The following GNG2 variants were observed in gnomAD, a reference collection of about 807,000 sequenced individuals.
The protein encoded by GNG2 is guanine nucleotide-binding protein G(I)/G(S)/G(O) subunit gamma-2.
GNG2 carries 5 observed loss-of-function variants against 5.5 expected under a neutral mutation model. That is an observed-to-expected ratio of 0.91 (90% CI 0.48 to 1.92). The LOEUF (loss-of-function observed/expected upper bound fraction) is 1.92, where lower values mean the gene tolerates loss of function less well. Ranked by LOEUF, GNG2 falls within the 30% of genes most tolerant of loss-of-function variation. GNG2 has a pLI of 0.01. For missense variants in GNG2, 55 were observed against 88.4 expected (o/e 0.62, Z 1.52); for synonymous variants, 28 against 32.0 (o/e 0.88, Z 0.42).
intron 2 of GNG2, among the ~76,000 whole-genome samples, chr14:51,907,828 A>C (rs2140194044): frequency 6.6e-6 from 1 of 152,264 alleles, no homozygotes; most frequent in East Asian, 1.9e-4. Context: ...CCCTACACTA[A>C]CTTTAGTTGC....
rs1032111701 is a variant in GNG2 at position 51,969,024 on chromosome 14, T to C, written c.*2337T>C. 2.0e-5 allele frequency: 3 copies of C among 152,224 alleles called. No individual in the cohort carries two copies. The highest frequency in any genetic ancestry group is 4.4e-5 in the Non-Finnish European group (3 of 68,024). The allele number at this position is 152,224 out of a possible 1,614,324, so 9.4% of individuals were successfully genotyped here. On this transcript the variant is annotated 3_prime_UTR_variant, in exon 4 of 4. Transcript: ENST00000556766. ...AATACGAAAATCTTTATATGAGTTT[T>C]GGCTTCTTGGTATTTGTACTTATTC...
At chr14:51,893,048 T>C (rs545365609) in intron 2 of GNG2, among the ~76,000 whole-genome samples, 63 of 152,230 alleles carry the variant, frequency 4.1e-4, no homozygotes, top group Non-Finnish European at 7.1e-4. Flanking sequence ...TGGAGTGATA[T>C]TAGTTTTGTC....
intron 2 of GNG2, chr14:51,940,500 T>A (rs1275784050): frequency 6.6e-6 from 1 of 152,296 alleles, no homozygotes; most frequent in Non-Finnish European, 1.5e-5. Flanking sequence ...TTGTTCTTCA[T>A]CTCAAACCTC....
intron 2 of GNG2, among the ~76,000 whole-genome samples, chr14:51,911,166 G>A (rs763950367): frequency 6.6e-6 from 1 of 152,212 alleles, no homozygotes; most frequent in Non-Finnish European, 1.5e-5. Flanking sequence ...GTCGGCTTTG[G>A]CATGTGCAGC....
In GNG2 at chr14:51,946,378, C is replaced by T. The variant is rs372542206; in HGVS notation, c.-29-4272C>T. Among the ~76,000 whole-genome samples the T allele has an allele frequency of 7.9e-5, 12 of 152,154 alleles. No homozygotes were observed. In the South Asian group the frequency reaches 2.1e-3, roughly 26 times the overall value. On this transcript the variant is annotated intron_variant, in intron 2 of 3. Coordinates refer to ENST00000556766, the MANE Select transcript of GNG2 (RefSeq NM_053064.5). ...GAAGAAAGTGGAAGAAAGAGAATAT[C>T]TTAAGAACATAGGAGGTAATTCAGC...
intron 2 of GNG2, among the ~76,000 whole-genome samples, chr14:51,829,217 G>C (rs1369390527): frequency 6.6e-6 from 1 of 152,040 alleles, no homozygotes; most frequent in South Asian, 2.1e-4. Context: ...CCACTCCCAG[G>C]TGTATAGCCT....
At chr14:51,913,798 C>T (rs1383680043) in intron 2 of GNG2, among the ~76,000 whole-genome samples, 1 of 152,164 alleles carries the variant, frequency 6.6e-6, no homozygotes, top group Non-Finnish European at 1.5e-5. Flanking sequence ...GTTACATTTA[C>T]AAGTTCTATT....
chr14:51,836,436 C>A (rs1287139742), intron 2 of GNG2, among the ~76,000 whole-genome samples: 2 of 151,948 alleles, frequency 1.3e-5, no homozygotes, highest in Non-Finnish European at 2.9e-5. Context: ...ATTCTATATG[C>A]AACATAAGAA....
chr14:51,904,268 C>G (rs1002792965), intron 2 of GNG2, among the ~76,000 whole-genome samples: 8 of 152,188 alleles, frequency 5.3e-5, no homozygotes, highest in Non-Finnish European at 1.2e-4. Context: ...ATCACTGATT[C>G]TCCACATTAC....
intron 2 of GNG2, chr14:51,827,903 GGA>G (rs1362021806): frequency 3.3e-6 from 2 of 605,662 alleles, no homozygotes; most frequent in East Asian, 2.8e-5. Flanking sequence ...TAAAGAGCTT[GGA>G]GAGAGAGTCT....
At chr14:51,916,365 A>C (rs1265963356) in intron 2 of GNG2, 1 of 420,390 alleles carries the variant, frequency 2.4e-6, no homozygotes, top group Non-Finnish European at 4.7e-6. Context: ...AGAATAGTGC[A>C]CCGTTGGCAG....
At position 51,827,855 on chromosome 14, in the gene GNG2, G is replaced by A. The variant is rs568200616; in HGVS notation, c.64+48G>A. 2.6e-4 allele frequency: 166 copies of A among 637,200 alleles called. 1 individual carries two copies. The African/African-American group carries it at 2.6e-3, about 10-fold the overall frequency. The allele number at this position is 637,200 out of a possible 1,614,324, so 39.5% of individuals were successfully genotyped here. On this transcript the variant is annotated intron_variant, in intron 2 of 3. Transcript: ENST00000553432. ...GGAAGGATACTGCAAAGAGGAAAACGTTGAAGTGTTTATTCTCTGAGGGAA... is the reference window on the plus strand; with the variant it reads ...GGAAGGATACTGCAAAGAGGAAAACATTGAAGTGTTTATTCTCTGAGGGAA...
chr14:51,914,150 G>T, intron 2 of GNG2: 1 of 691,040 alleles, frequency 1.4e-6, no homozygotes, highest in South Asian at 1.5e-5. Context: ...TGGGGGAATG[G>T]AGTCATTCCA....
chr14:51,910,524 C>T lies in GNG2; in HGVS notation c.-30+32867C>T, dbSNP rs72678138. Among the ~76,000 whole-genome samples, 1,212 of 152,302 alleles carry T rather than the reference C, an allele frequency of 8.0e-3. 8 individuals are homozygous for T. Among genetic ancestry groups the T allele is most frequent in the Non-Finnish European group, 0.015 (992 of 68,018 alleles). Reference sequence around the variant, plus strand: ...AAAGTGACAGCCACTGGGCAGGAAGCGAGAGATCTCAGCTGGGGCAGGAGG... The same window carrying T: ...AAAGTGACAGCCACTGGGCAGGAAGTGAGAGATCTCAGCTGGGGCAGGAGG... On this transcript the variant is annotated intron_variant, in intron 2 of 3. Coordinates refer to ENST00000556766, the MANE Select transcript of GNG2 (RefSeq NM_053064.5).
chr14:51,898,115 C>T lies in GNG2; in HGVS notation c.-30+20458C>T, dbSNP rs74685956. Among the ~76,000 whole-genome samples the T allele has an allele frequency of 8.4e-3, 1,282 of 152,240 alleles. 25 individuals are homozygous for T. Among genetic ancestry groups the T allele is most frequent in the African/African-American group, 0.029 (1,222 of 41,546 alleles). On this transcript the variant is annotated intron_variant, in intron 2 of 3. Coordinates refer to ENST00000556766, the MANE Select transcript of GNG2 (RefSeq NM_053064.5). ...TCCTGTGGTTACATATGTTAGAGAA[C>T]ATGAATACTAGTTTACAGATCTCAT...
chr14:51,922,655 C>A (rs1418357907), intron 2 of GNG2, among the ~76,000 whole-genome samples: 2 of 152,200 alleles, frequency 1.3e-5, no homozygotes, highest in Non-Finnish European at 2.9e-5. Flanking sequence ...TTCTCCCTGT[C>A]TTCGGTTTCT....
intron 2 of GNG2, among the ~76,000 whole-genome samples, chr14:51,911,259 A>T (rs1886275317): frequency 6.6e-6 from 1 of 152,194 alleles, no homozygotes; most frequent in Admixed American, 6.5e-5. Context: ...ATGTGTATGT[A>T]TGTGTGTGCT....
intron 2 of GNG2, among the ~76,000 whole-genome samples, chr14:51,881,509 T>C (rs959112433): frequency 1.4e-4 from 22 of 152,216 alleles, no homozygotes; most frequent in African/African-American, 5.3e-4. Context: ...GCATCATCCG[T>C]AGCAAAACCA....
chr14:51,965,156 G>C (rs1338419342), intron 3 of GNG2, among the ~76,000 whole-genome samples: 2 of 152,220 alleles, frequency 1.3e-5, no homozygotes, highest in Non-Finnish European at 2.9e-5. Flanking sequence ...CACTGGGCAA[G>C]TCTGATGTCA....
Sources: allele counts gnomAD v4.1 joint callset (sites outside exome capture counted in the v4.1 genomes callset), GRCh38; gene constraint gnomAD v4.1.1; transcripts MANE v1.5; gene names NCBI Gene and HGNC (gene_info 2026-07-23, HGNC 2026-07-21).